The following DHX30 variants were observed in gnomAD, a reference collection of about 807,000 sequenced individuals.
The protein encoded by DHX30 is DExH-box helicase 30.
DHX30 carries 4 observed loss-of-function variants against 116.9 expected under a neutral mutation model. The observed-to-expected ratio is 0.03, with a 90% CI of 0.02 to 0.08. DHX30 has a LOEUF of 0.08. Ranked by LOEUF, DHX30 falls within the 10% of genes least tolerant of loss-of-function variation. The pLI, the probability that DHX30 is intolerant of heterozygous loss-of-function variation, is 1.00. For synonymous variants in DHX30, 697 were observed against 651.7 expected, an observed-to-expected ratio of 1.07 and a Z score of -1.06; for missense variants, 871 against 1,595.1, an observed-to-expected ratio of 0.55 and a Z score of 7.73.
chr3:47,848,523 G>A lies in DHX30; in HGVS notation c.2548G>A (p.Glu850Lys). 6.2e-7 allele frequency: 1 copy of A among 1,613,974 alleles called. No individual in the cohort carries two copies. Among genetic ancestry groups the A allele is most frequent in the Non-Finnish European group, 8.5e-7 (1 of 1,179,952 alleles). The change falls in exon 16 of 22, where the codon GAG becomes AAG. Residue 850 changes from glutamate (E) to lysine (K), a missense_variant. Coordinates refer to ENST00000445061, the MANE Select transcript of DHX30 (RefSeq NM_138615.3). The surrounding 1 kb of genome is among the most constrained non-coding windows in gnomAD (Gnocchi z 9.4). The stretch of plus-strand genomic sequence containing the variant: ...CAGTCCAAACATCAAGGCAGTGGAC[G>A]AGGCTGTGATCTTGCTCCAGGAGAT... ...VDSPNIKAVD[E>K]AVILLQEIGV... is the part of the protein sequence containing the mutation.
Position 47,841,753 on chromosome 3 carries a change from T to C in DHX30, c.789+16T>C. On this transcript the variant is annotated intron_variant, in intron 8 of 21. Coordinates refer to ENST00000445061, the MANE Select transcript of DHX30 (RefSeq NM_138615.3). ...CACAGCTAAGGTGAGTTGGGTCTCCTAGAAGTTTGTGTGGGGGCCGTTTAC... is the reference window on the plus strand; with the variant it reads ...CACAGCTAAGGTGAGTTGGGTCTCCCAGAAGTTTGTGTGGGGGCCGTTTAC... 6.2e-7 allele frequency: 1 copy of C among 1,614,122 alleles called. No homozygotes were observed. Among genetic ancestry groups the C allele is most frequent in the Non-Finnish European group, 8.5e-7 (1 of 1,179,978 alleles).
chr3:47,814,881 A>T (rs540569675), intron 3 of DHX30, among the ~76,000 whole-genome samples: 23 of 151,874 alleles, frequency 1.5e-4, no homozygotes, highest in East Asian at 3.9e-4. Context: ...TAAAATAATT[A>T]AAAAAATAAT....
intron 6 of DHX30, among the ~76,000 whole-genome samples, chr3:47,832,900 A>G (rs2036925431): frequency 2.0e-5 from 3 of 150,792 alleles, no homozygotes; most frequent in East Asian, 2.0e-4. Context: ...TGGCCTCCCA[A>G]AGTGCTGGGA....
intron 1 of DHX30, among the ~76,000 whole-genome samples, chr3:47,803,813 GTGAAC>G (rs774574350): frequency 6.6e-6 from 1 of 152,240 alleles, no homozygotes; most frequent in African/African-American, 2.4e-5. Context: ...TTTGTTTGCA[GTGAAC>G]TGGAGTCCCA....
chr3:47,819,233 A>C, intron 4 of DHX30: 1 of 1,367,876 alleles, frequency 7.3e-7, no homozygotes, highest in African/African-American at 1.5e-5. Context: ...GTAACTCGAA[A>C]AGGCTGAACG....
At position 47,818,104 on chromosome 3, in the gene DHX30, G is replaced by A. The variant is rs1264989424; in HGVS notation, c.111G>A (p.Gly37=). 1.3e-6 allele frequency: 1 copy of A among 780,908 alleles called. No individual in the cohort carries two copies. Among genetic ancestry groups the A allele is most frequent in the Non-Finnish European group, 2.4e-6 (1 of 418,036 alleles). 48.4% of individuals were successfully genotyped at this position (780,908 alleles called of 1,614,324 possible). The change falls in exon 4 of 22, where the codon GGG becomes GGA. Residue 37 remains glycine, a synonymous_variant. Coordinates refer to ENST00000445061, the MANE Select transcript of DHX30 (RefSeq NM_138615.3). ...PPMCVNPTPG[G]TISRASRDLL... The stretch of plus-strand genomic sequence containing the variant: ...TGTGTGTCAACCCTACCCCAGGAGG[G>A]ACCATCTCTCGAGGTAAGGGAGGAG...
chr3:47,835,463 C>T (rs899542272), intron 6 of DHX30, among the ~76,000 whole-genome samples: 3 of 150,702 alleles, frequency 2.0e-5, no homozygotes, highest in Non-Finnish European at 3.0e-5. Flanking sequence ...CCACTGTGCC[C>T]GGCCAATTTT....
chr3:47,840,773 A>C, intron 6 of DHX30, 104 bp from the exon 7 acceptor site: 1 of 1,458,178 alleles, frequency 6.9e-7, no homozygotes, highest in Non-Finnish European at 9.4e-7. Flanking sequence ...CAGATGAAAA[A>C]CCACGGCTGC....
In DHX30 at chr3:47,810,774, G is replaced by A; in HGVS notation, c.28+63G>A. 5 of 1,528,342 alleles carry A rather than the reference G, an allele frequency of 3.3e-6. No individual in the cohort carries two copies. In the South Asian group the frequency reaches 5.6e-5, roughly 17 times the overall value. 94.7% of individuals were successfully genotyped at this position (1,528,342 alleles called of 1,614,324 possible). On this transcript the variant is annotated intron_variant, in intron 3 of 21. Coordinates refer to ENST00000445061, the MANE Select transcript of DHX30 (RefSeq NM_138615.3). Reference sequence around the variant, plus strand: ...CTTATTGGGATGGGCAGCTCTGAGGGCTGTGAAAGTCTCTCCCCAGTATGT... The same window carrying A: ...CTTATTGGGATGGGCAGCTCTGAGGACTGTGAAAGTCTCTCCCCAGTATGT...
At chr3:47,810,875 T>C (rs1299464686) in intron 3 of DHX30, among the ~76,000 whole-genome samples, 164 bp downstream of exon 3, 1 of 152,232 alleles carries the variant, frequency 6.6e-6, no homozygotes, top group Non-Finnish European at 1.5e-5. Flanking sequence ...GCTTAGAATC[T>C]GTGCCAACCC....
chr3:47,804,286 G>A (rs980374401), intron 1 of DHX30, among the ~76,000 whole-genome samples: 2 of 152,220 alleles, frequency 1.3e-5, no homozygotes, highest in Non-Finnish European at 2.9e-5. Context: ...CGGGAGCGGT[G>A]TCTCACGCCT....
intron 6 of DHX30, among the ~76,000 whole-genome samples, chr3:47,837,409 A>G (rs1276449453): frequency 2.0e-5 from 3 of 152,194 alleles, no homozygotes; most frequent in African/African-American, 7.2e-5. Context: ...AGTTTTTGGC[A>G]AGACCAGAGA....
chr3:47,822,585 G>T (rs1444726023), intron 4 of DHX30, among the ~76,000 whole-genome samples: 1 of 152,038 alleles, frequency 6.6e-6, no homozygotes, highest in African/African-American at 2.4e-5. Context: ...AGGAGTTCAA[G>T]ACCAGCCTGG....
intron 3 of DHX30, among the ~76,000 whole-genome samples, chr3:47,813,274 C>T (rs1243161881): frequency 2.0e-5 from 3 of 152,060 alleles, no homozygotes; most frequent in Non-Finnish European, 2.9e-5. Flanking sequence ...ACCCAGGGGG[C>T]GGAGCTTGCA....
rs2036598075 is a variant in DHX30 at position 47,827,451 on chromosome 3, G to A, written c.229G>A (p.Val77Met). The part of the protein sequence containing the change: ...ISHAKDKLVY[V>M]HTNGPKKKKV... ...ACATGCAAAAGACAAACTAGTCTAC[G>A]TGCACACAAATGGACCGAAGAAAAA... Residue 77 changes from valine (V) to methionine (M), a missense_variant, in exon 5 of 22, where the codon GTG becomes ATG. By Grantham distance (21) the Val-to-Met change is conservative (BLOSUM62 1). Around this residue, in one of 13 missense-constraint regions of DHX30, gnomAD observed 66 missense variants for 153.9 expected, o/e 0.43. Transcript: ENST00000445061. 1.2e-6 allele frequency: 2 copies of A among 1,613,640 alleles called. No individual in the cohort carries two copies. The highest frequency in any genetic ancestry group is 1.1e-5 in the South Asian group (1 of 91,020).
intron 6 of DHX30, among the ~76,000 whole-genome samples, chr3:47,829,834 T>A (rs905179998): frequency 6.6e-6 from 1 of 151,920 alleles, no homozygotes; most frequent in African/African-American, 2.4e-5. Flanking sequence ...TTTTTTAAAT[T>A]TTTTAATTTT....
chr3:47,806,430 C>CTGCGCTCAGG (rs1279849333), intron 2 of DHX30, among the ~76,000 whole-genome samples: 3 of 150,638 alleles, frequency 2.0e-5, no homozygotes, highest in African/African-American at 2.4e-5. Flanking sequence ...GTGTGAGCCA[C>CTGCGCTCAGG]CGTGCCTGGC....
At chr3:47,845,873 C>T (rs2037582137) in intron 10 of DHX30, 21 bp downstream of exon 10, 2 of 1,587,034 alleles carry the variant, frequency 1.3e-6, no homozygotes, top group Non-Finnish European at 1.7e-6. Context: ...CTGCATCCCT[C>T]ACCACCCCTG....
At chr3:47,840,229 C>T (rs1004324660) in intron 6 of DHX30, among the ~76,000 whole-genome samples, 8 of 149,980 alleles carry the variant, frequency 5.3e-5, no homozygotes, top group Non-Finnish European at 1.2e-4. Context: ...GATCTCCTGA[C>T]GTCATGATCC....
Sources: gnomAD v4.1 joint callset for allele counts (sites outside exome capture counted in the v4.1 genomes callset) on GRCh38, gnomAD v4.1.1 for gene constraint, gnomAD v4.1.1 regional missense constraint, Gnocchi (gnomAD v3.1) non-coding constraint, MANE v1.5 for transcripts, NCBI Gene and HGNC (gene_info 2026-07-23, HGNC 2026-07-21) for gene names.